KIF26B: variants seen among roughly 807,000 people sequenced by gnomAD.
The protein encoded by KIF26B is kinesin family member 26B.
In KIF26B, 63 loss-of-function variants were observed where a neutral mutation model predicts 151.2. That is an observed-to-expected ratio of 0.42 (90% confidence interval 0.34 to 0.51). The LOEUF (loss-of-function observed/expected upper bound fraction) is 0.51. KIF26B is among the 20% of genes least tolerant of loss of function. The probability of loss-of-function intolerance (pLI) is 0.07; values close to 1 mark genes in which losing one functional copy is unlikely to be tolerated. For missense variants in KIF26B, 2,813 were observed against 2,913.6 expected (o/e 0.97, Z 0.79); for synonymous variants, 1,357 against 1,262.1 (o/e 1.08, Z -1.59).
chr1:245,371,078 T>G (rs113456726), intron 3 of KIF26B, among the ~76,000 whole-genome samples: 6,084 of 152,260 alleles, frequency 0.04, 335 homozygotes, highest in African/African-American at 0.13. Flanking sequence ...GCCACCAACT[T>G]GTGGTCATCC....
At chr1:245,605,807 T>C (rs1471457242) in intron 6 of KIF26B, among the ~76,000 whole-genome samples, 1 of 152,116 alleles carries the variant, frequency 6.6e-6, no homozygotes, top group Non-Finnish European at 1.5e-5. Flanking sequence ...GGGTGGGAAC[T>C]GTGCCAGGGG....
At position 245,329,610 on chromosome 1, in the gene KIF26B, C is replaced by A. The variant is rs180713462; in HGVS notation, c.466-37224C>A. 3.9e-4 allele frequency among the ~76,000 whole-genome samples: 59 copies of A among 152,270 alleles called. 1 individual carries two copies. The highest frequency in any genetic ancestry group is 1.3e-3 in the African/African-American group (53 of 41,552). Reference sequence around the variant, plus strand: ...TGAATGGCTGGAGGCCGCCATGACACCCCTCATACACATTCACTCACTCAC... The same window carrying A: ...TGAATGGCTGGAGGCCGCCATGACAACCCTCATACACATTCACTCACTCAC... On this transcript the variant is annotated intron_variant, in intron 2 of 14. Transcript: ENST00000407071.
At chr1:245,481,631 G>A (rs1361655603) in intron 4 of KIF26B, among the ~76,000 whole-genome samples, 1 of 151,858 alleles carries the variant, frequency 6.6e-6, no homozygotes, top group Non-Finnish European at 1.5e-5. Flanking sequence ...TCCCTGGAGT[G>A]TCAAACCTCC....
At chr1:245,452,259 G>T (rs1333715625) in intron 4 of KIF26B, among the ~76,000 whole-genome samples, 1 of 152,136 alleles carries the variant, frequency 6.6e-6, no homozygotes, top group Admixed American at 6.5e-5. Context: ...GTGTGCATCG[G>T]AATTTTATTC....
Position 245,538,375 on chromosome 1 carries a change from T to C in KIF26B, c.1167-2392T>C, listed in dbSNP as rs549693343. 8.6e-5 allele frequency among the ~76,000 whole-genome samples: 13 copies of C among 151,400 alleles called. No individual in the cohort carries two copies. In the East Asian group the frequency reaches 2.5e-3, roughly 29 times the overall value. On this transcript the variant is annotated intron_variant, in intron 4 of 14. Transcript: ENST00000407071. ...AGGATTTGTGTTTTATGTTTTAAGA[T>C]GAGAGAAATAACAACATGTCTATGT...
chr1:245,394,688 CTTT>C (rs900497785), intron 3 of KIF26B, among the ~76,000 whole-genome samples: 2 of 123,172 alleles, frequency 1.6e-5, no homozygotes, highest in African/African-American at 3.4e-5. Context: ...TTTTTTCTTT[CTTT>C]TTTTTTTTTT....
chr1:245,373,279 G>A (rs1277965207), intron 3 of KIF26B, among the ~76,000 whole-genome samples: 1 of 152,134 alleles, frequency 6.6e-6, no homozygotes, highest in African/African-American at 2.4e-5. Context: ...AGAATTCCAG[G>A]CCAAAGACCT....
At chr1:245,568,837 G>C (rs903821203) in intron 5 of KIF26B, among the ~76,000 whole-genome samples, 2 of 152,180 alleles carry the variant, frequency 1.3e-5, no homozygotes, top group African/African-American at 4.8e-5. Flanking sequence ...GAATCTTAAA[G>C]CTTCATCTAA....
chr1:245,260,354 C>A (rs752107972), intron 2 of KIF26B, among the ~76,000 whole-genome samples: 47 of 152,204 alleles, frequency 3.1e-4, no homozygotes, highest in Non-Finnish European at 5.9e-4. Context: ...TGGCCAGCAC[C>A]CATGGCAGGT....
At chr1:245,593,320 T>C (rs1242989108) in intron 5 of KIF26B, among the ~76,000 whole-genome samples, 1 of 151,844 alleles carries the variant, frequency 6.6e-6, no homozygotes, top group Admixed American at 6.6e-5. Flanking sequence ...ATCCCTCCCC[T>C]AGCTCCCCAG....
At chr1:245,479,156 T>C (rs928100908) in intron 4 of KIF26B, among the ~76,000 whole-genome samples, 1 of 151,782 alleles carries the variant, frequency 6.6e-6, no homozygotes, top group African/African-American at 2.4e-5. Context: ...TTGGGAATCA[T>C]TGGCATCTAG....
chr1:245,367,071 C>A lies in KIF26B; in HGVS notation c.703C>A (p.His235Asn). ...SNIPTLVGSR[H>N]VGGLQQPRDW... The stretch of plus-strand genomic sequence containing the variant: ...CATCCCCACCCTGGTGGGGTCCCGG[C>A]ACGTGGGTGGGCTCCAGCAGCCCAG... The change falls in exon 3 of 15, where the codon CAC becomes AAC. Residue 235 changes from histidine to asparagine, a missense_variant. His to Asn is a moderately conservative substitution (Grantham distance 68). This residue lies in a region of KIF26B where 676 missense variants were observed against 688.1 expected (regional missense o/e 0.98). Coordinates refer to ENST00000407071, the MANE Select transcript of KIF26B (RefSeq NM_018012.4). The surrounding 1 kb of genome is among the most constrained non-coding windows in gnomAD (Gnocchi z 4.2). 6.2e-7 allele frequency: 1 copy of A among 1,602,860 alleles called. No homozygotes were observed. Among genetic ancestry groups the A allele is most frequent in the Non-Finnish European group, 8.5e-7 (1 of 1,174,888 alleles).
At chr1:245,207,769 C>A (rs141323006) in intron 2 of KIF26B, among the ~76,000 whole-genome samples, 3 of 152,168 alleles carry the variant, frequency 2.0e-5, no homozygotes, top group Admixed American at 2.0e-4. Context: ...ACAGCTCCCC[C>A]CAAACACACG....
chr1:245,545,363 AAGTGCT>A (rs1344544650), intron 5 of KIF26B, among the ~76,000 whole-genome samples: 1 of 152,148 alleles, frequency 6.6e-6, no homozygotes, highest in African/African-American at 2.4e-5. Context: ...CGGCCTCCCA[AAGTGCT>A]AGGATTACAG....
chr1:245,234,203 A>G (rs990895630), intron 2 of KIF26B, among the ~76,000 whole-genome samples: 1 of 152,026 alleles, frequency 6.6e-6, no homozygotes, highest in Non-Finnish European at 1.5e-5. Flanking sequence ...AAGAAAGAAA[A>G]GAAAAAAGAA....
chr1:245,578,170 A>G (rs1367420637), intron 5 of KIF26B, among the ~76,000 whole-genome samples: 1 of 152,258 alleles, frequency 6.6e-6, no homozygotes, highest in Non-Finnish European at 1.5e-5. Flanking sequence ...TTAGAAATTC[A>G]TAAGATGTGT....
chr1:245,379,725 C>CT (rs1673360132), intron 3 of KIF26B, among the ~76,000 whole-genome samples: 1 of 151,962 alleles, frequency 6.6e-6, no homozygotes, highest in Admixed American at 6.6e-5. Context: ...AATCCCAGCA[C>CT]TTTGGGAGGC....
At chr1:245,232,110 A>T (rs1396110476) in intron 2 of KIF26B, among the ~76,000 whole-genome samples, 2 of 152,270 alleles carry the variant, frequency 1.3e-5, no homozygotes, top group African/African-American at 4.8e-5. Flanking sequence ...GTATCCATCC[A>T]TAAGATCCTT....
rs1433951813 is a variant in KIF26B at position 245,444,362 on chromosome 1, G to A, written c.1166+24617G>A. Among the ~76,000 whole-genome samples the A allele has an allele frequency of 1.3e-5, 2 of 152,252 alleles. 1 individual carries two copies. The highest frequency in any genetic ancestry group is 2.9e-5 in the Non-Finnish European group (2 of 68,046). ...CCTTTGAGAAAGAGGCTGACTGTTAGAAGCAGAAGCCCTTGAAGGAGCACA... is the reference window on the plus strand; with the variant it reads ...CCTTTGAGAAAGAGGCTGACTGTTAAAAGCAGAAGCCCTTGAAGGAGCACA... On this transcript the variant is annotated intron_variant, in intron 4 of 14. Coordinates refer to ENST00000407071, the MANE Select transcript of KIF26B (RefSeq NM_018012.4).
Sources: gnomAD v4.1 joint callset for allele counts (sites outside exome capture counted in the v4.1 genomes callset) on GRCh38, gnomAD v4.1.1 for gene constraint, gnomAD v4.1.1 regional missense constraint, Gnocchi (gnomAD v3.1) non-coding constraint, MANE v1.5 for transcripts, NCBI Gene and HGNC (gene_info 2026-07-23, HGNC 2026-07-21) for gene names.